Variants in LRP6 observed in about 807,000 individuals in gnomAD.
LRP6 encodes the protein low-density lipoprotein receptor-related protein 6.
LRP6 carries 43 observed loss-of-function variants against 184.1 expected under a neutral mutation model. The observed-to-expected ratio is 0.23, with a 90% CI of 0.18 to 0.30. The LOEUF (loss-of-function observed/expected upper bound fraction) is 0.30. Among genes scored for constraint, LRP6 ranks in the 10% least tolerant of loss-of-function variants. The pLI, the probability that LRP6 is intolerant of heterozygous loss-of-function variation, is 1.00. For synonymous variants in LRP6, 719 were observed against 684.9 expected (o/e 1.05, Z -0.78); for missense variants, 1,571 against 2,005.3 (o/e 0.78, Z 4.14).
intron 2 of LRP6, among the ~76,000 whole-genome samples, chr12:12,219,259 CA>C (rs1281772320): frequency 6.6e-6 from 1 of 152,160 alleles, no homozygotes; most frequent in Non-Finnish European, 1.5e-5. Context: ...GGCTGGAGTG[CA>C]GTGGCACCGT....
At position 12,120,862 on chromosome 12, in the gene LRP6, G is replaced by A. The variant is rs1949595060; in HGVS notation, c.*264C>T. 3.2e-6 allele frequency: 1 copy of A among 309,846 alleles called. No homozygotes were observed. Among genetic ancestry groups the A allele is most frequent in the Non-Finnish European group, 5.9e-6 (1 of 169,210 alleles). 19.2% of individuals were successfully genotyped at this position (309,846 alleles called of 1,614,324 possible). A position where few individuals can be genotyped will look rare whatever the true frequency, so the allele number is the denominator to read the frequency against. ...GTTTAAGGCATGCTTTGTGTATTTA[G>A]TTTGCAAAAATAAAACTTTTAGTAC... is the stretch of plus-strand genomic sequence containing the variant. On this transcript the variant is annotated 3_prime_UTR_variant, in exon 23 of 23. Coordinates refer to ENST00000261349, the MANE Select transcript of LRP6 (RefSeq NM_002336.3).
intron 2 of LRP6, among the ~76,000 whole-genome samples, chr12:12,217,710 T>C (rs1864384745): frequency 6.6e-6 from 1 of 152,004 alleles, no homozygotes; most frequent in South Asian, 2.1e-4. Flanking sequence ...TTAAAAGAAA[T>C]GAAAATCCAA....
chr12:12,149,581 C>T (rs140786557), intron 13 of LRP6, among the ~76,000 whole-genome samples: 268 of 152,260 alleles, frequency 1.8e-3, no homozygotes, highest in African/African-American at 6.3e-3. Context: ...TTTACTGTCA[C>T]GACTGTGGGA....
intron 1 of LRP6, chr12:12,249,432 C>A (rs1455302342): frequency 2.6e-6 from 2 of 771,314 alleles, no homozygotes; most frequent in African/African-American, 1.7e-5. Context: ...AGCAACTAAT[C>A]GAAAAGAAAA....
At chr12:12,253,487 C>T (rs1948020885) in intron 1 of LRP6, among the ~76,000 whole-genome samples, 1 of 151,710 alleles carries the variant, frequency 6.6e-6, no homozygotes, top group African/African-American at 2.4e-5. Flanking sequence ...AGGTTTGTTA[C>T]ATATGTATAC....
chr12:12,120,890 AT>A lies in LRP6; in HGVS notation c.*235del, dbSNP rs558468012. On this transcript the variant is annotated 3_prime_UTR_variant, in exon 23 of 23. Transcript: ENST00000261349. ...TGCAAAAATAAAACTTTTAGTACAAATTTTTTTTATACAAACTTTTATGGCA... is the reference window on the plus strand; with the variant it reads ...TGCAAAAATAAAACTTTTAGTACAAATTTTTTTATACAAACTTTTATGGCA... 163 of 377,874 alleles carry A rather than the reference AT, an allele frequency of 4.3e-4. No individual in the cohort carries two copies. In the Admixed American group the frequency reaches 4.9e-3, roughly 11 times the overall value. The allele number at this position is 377,874 out of a possible 1,614,324, so 23.4% of individuals were successfully genotyped here. A position where few individuals can be genotyped will look rare whatever the true frequency, so the allele number is the denominator to read the frequency against.
At chr12:12,205,870 A>T (rs776057432) in intron 2 of LRP6, among the ~76,000 whole-genome samples, 8 of 152,254 alleles carry the variant, frequency 5.3e-5, no homozygotes, top group Non-Finnish European at 1.2e-4. Context: ...AGCGGTATGG[A>T]CAAGATTAAT....
intron 2 of LRP6, among the ~76,000 whole-genome samples, chr12:12,212,535 T>G (rs546638023): frequency 6.6e-6 from 1 of 152,216 alleles, no homozygotes; most frequent in South Asian, 2.1e-4. Flanking sequence ...CCCTGCCAAG[T>G]AAAAGTGAAT....
intron 7 of LRP6, 111 bp from the exon 8 acceptor site, chr12:12,165,406 T>C: frequency 1.3e-6 from 1 of 784,226 alleles, no homozygotes; most frequent in Admixed American, 1.8e-5. Context: ...ATCTTGGTAT[T>C]CCTATTACAA....
At chr12:12,259,494 C>T (rs970750041) in intron 1 of LRP6, among the ~76,000 whole-genome samples, 11 of 151,984 alleles carry the variant, frequency 7.2e-5, no homozygotes, top group African/African-American at 2.2e-4. Context: ...GTTATGATAC[C>T]GCTAAAAGGA....
chr12:12,135,228 C>T lies in LRP6; in HGVS notation c.3680G>A (p.Arg1227Lys), dbSNP rs1387001805. ...ICLVKGDGTTRCSCPMHLVLL... is the reference protein window; with the variant it reads ...ICLVKGDGTTKCSCPMHLVLL... ...AACCAGGTGCATGGGGCAAGAACACCTTGTAGTACCATCCCCCTTTACAAG... is the reference window on the plus strand; with the variant it reads ...AACCAGGTGCATGGGGCAAGAACACTTTGTAGTACCATCCCCCTTTACAAG... The change falls in exon 17 of 23, where the codon AGG becomes AAG. Residue 1227 changes from arginine to lysine, a missense_variant. Arg to Lys is a conservative substitution (Grantham distance 26). Coordinates refer to ENST00000261349, the MANE Select transcript of LRP6 (RefSeq NM_002336.3). The T allele has an allele frequency of 6.2e-7, 1 of 1,613,696 alleles. No homozygotes were observed. The highest frequency in any genetic ancestry group is 2.2e-5 in the East Asian group (1 of 44,848).
At chr12:12,165,486 C>T (rs1435957580) in intron 7 of LRP6, among the ~76,000 whole-genome samples, 191 bp from the exon 8 acceptor site, 1 of 152,112 alleles carries the variant, frequency 6.6e-6, no homozygotes, top group East Asian at 1.9e-4. Flanking sequence ...CTCTATTTGA[C>T]CACTTTTCCC....
chr12:12,260,612 C>T (rs1167461914), intron 1 of LRP6, among the ~76,000 whole-genome samples: 1 of 152,120 alleles, frequency 6.6e-6, no homozygotes, highest in Non-Finnish European at 1.5e-5. Flanking sequence ...TTTAATTCGG[C>T]CATCTTAATA....
Position 12,213,467 on chromosome 12 carries a change from AT to A in LRP6, c.450-10068del, listed in dbSNP as rs1288698683. ...TATCAAGGCTAACTCTATTATTAATATATCTGTTACAAATATTTTTCTTTGT... is the reference window on the plus strand; with the variant it reads ...TATCAAGGCTAACTCTATTATTAATAATCTGTTACAAATATTTTTCTTTGT... On this transcript the variant is annotated intron_variant, in intron 2 of 22. Coordinates refer to ENST00000261349, the MANE Select transcript of LRP6 (RefSeq NM_002336.3). Among the ~76,000 whole-genome samples, 7 of 152,208 alleles carry A rather than the reference AT, an allele frequency of 4.6e-5. No homozygotes were observed. The East Asian group carries it at 1.2e-3, about 25-fold the overall frequency.
chr12:12,155,565 GAGATAGCTTCCTAAAGGAAGC>G (rs1565572669), intron 12 of LRP6: 1 of 740,886 alleles, frequency 1.3e-6, no homozygotes, highest in Non-Finnish European at 2.4e-6. Flanking sequence ...GCTAAGAGCC[GAGATAGCTTCCTAAAGGAAGC>G]TATCAGAAAA....
intron 2 of LRP6, among the ~76,000 whole-genome samples, chr12:12,211,807 T>A (rs1864219818): frequency 1.3e-5 from 2 of 152,234 alleles, no homozygotes; most frequent in African/African-American, 4.8e-5. Flanking sequence ...AAACCACTAC[T>A]AGAAGATAAA....
intron 2 of LRP6, among the ~76,000 whole-genome samples, chr12:12,214,140 A>C (rs1438103131): frequency 6.6e-6 from 1 of 152,162 alleles, no homozygotes; most frequent in Non-Finnish European, 1.5e-5. Flanking sequence ...CAAGAAGCCA[A>C]GCAGCACCCC....
chr12:12,165,950 A>C (rs1030515653), intron 7 of LRP6, among the ~76,000 whole-genome samples: 1 of 152,120 alleles, frequency 6.6e-6, no homozygotes, highest in Admixed American at 6.5e-5. Flanking sequence ...TCTCTTTCCA[A>C]CTACCTAATA....
chr12:12,184,232 ACTATCAAAC>A, intron 4 of LRP6, 121 bp from the exon 5 acceptor site: 1 of 781,890 alleles, frequency 1.3e-6, no homozygotes, highest in Non-Finnish European at 2.2e-6. Context: ...CAGGTGCTTG[ACTATCAAAC>A]CATCTGCAAA....
Sources: gnomAD v4.1 joint callset for allele counts (sites outside exome capture counted in the v4.1 genomes callset) on GRCh38, gnomAD v4.1.1 for gene constraint, MANE v1.5 for transcripts, NCBI Gene and HGNC (gene_info 2026-07-23, HGNC 2026-07-21) for gene names.